DPH6: variants seen among roughly 807,000 people sequenced by gnomAD.
DPH6 encodes the protein diphthamine biosynthesis 6.
Under a neutral mutation model 38.2 loss-of-function variants are expected in DPH6, and 33 were observed. The observed-to-expected ratio is 0.86, with a 90% confidence interval of 0.65 to 1.15. The LOEUF (loss-of-function observed/expected upper bound fraction) is 1.15. Among genes scored for constraint, DPH6 ranks in the 50% most tolerant of loss-of-function variants. DPH6 has a pLI of 0.00. For synonymous variants in DPH6, 108 were observed against 103.0 expected, an observed-to-expected ratio of 1.05 and a Z score of -0.30; for missense variants, 325 against 320.0, an observed-to-expected ratio of 1.02 and a Z score of -0.12.
At chr15:35,178,553 A>T in the DPH6 span, among the ~76,000 whole-genome samples, 1 of 152,218 alleles carries the variant, frequency 6.6e-6, no homozygotes, top group Non-Finnish European at 1.5e-5. Flanking sequence ...CATGGGAATT[A>T]TGGGAGCAAC....
At chr15:35,274,305 G>T (rs1007738018) in intron 3 of DPH6, among the ~76,000 whole-genome samples, 2 of 152,144 alleles carry the variant, frequency 1.3e-5, no homozygotes, top group African/African-American at 2.4e-5. Flanking sequence ...AACCCTGGAA[G>T]AAAACCTAGC....
chr15:35,488,059 C>A (rs1001060138), intron 3 of DPH6, among the ~76,000 whole-genome samples: 2 of 152,174 alleles, frequency 1.3e-5, no homozygotes. Flanking sequence ...AAAGAATGAC[C>A]TTTGCTCCAG....
chr15:35,451,892 C>T (rs887420470), intron 4 of DPH6, among the ~76,000 whole-genome samples: 1 of 152,140 alleles, frequency 6.6e-6, no homozygotes, highest in Admixed American at 6.6e-5. Flanking sequence ...CGCCTGTGGT[C>T]CCAGCTACTC....
chr15:35,269,297 T>C (rs1289331454), intron 3 of DPH6, among the ~76,000 whole-genome samples: 1 of 152,134 alleles, frequency 6.6e-6, no homozygotes, highest in African/African-American at 2.4e-5. Context: ...TATTGCTTGC[T>C]CTTAGGACAA....
intron 3 of DPH6, chr15:35,237,572 T>A: frequency 6.4e-7 from 1 of 1,568,224 alleles, no homozygotes; most frequent in Non-Finnish European, 8.8e-7. Flanking sequence ...CGTGGAAGCA[T>A]TGGCAGAAAA....
intron 5 of DPH6, among the ~76,000 whole-genome samples, chr15:35,445,693 C>T (rs1011954975): frequency 1.1e-4 from 17 of 152,072 alleles, no homozygotes; most frequent in Non-Finnish European, 2.2e-4. Context: ...TATCAAAACA[C>T]GCACATATCA....
chr15:35,248,702 G>C (rs2051651959), intron 3 of DPH6, among the ~76,000 whole-genome samples: 1 of 152,118 alleles, frequency 6.6e-6, no homozygotes, highest in Non-Finnish European at 1.5e-5. Context: ...TTTATTGTAG[G>C]GGTGTCAGCC....
intron 3 of DPH6, among the ~76,000 whole-genome samples, chr15:35,280,847 C>T (rs1479108911): frequency 6.6e-6 from 1 of 152,162 alleles, no homozygotes; most frequent in Non-Finnish European, 1.5e-5. Flanking sequence ...TCAGATATTA[C>T]AGCAAGTGCA....
intron 3 of DPH6, among the ~76,000 whole-genome samples, chr15:35,303,879 T>A (rs764110086): frequency 2.0e-5 from 3 of 151,922 alleles, no homozygotes; most frequent in African/African-American, 4.8e-5. Flanking sequence ...TTTTCATTTA[T>A]ACTCTAAGGC....
intron 3 of DPH6, among the ~76,000 whole-genome samples, chr15:35,535,589 T>TA (rs1183821702): frequency 6.6e-6 from 1 of 151,610 alleles, no homozygotes; most frequent in Non-Finnish European, 1.5e-5. Flanking sequence ...TCACGTGACT[T>TA]AAAAAGAAAA....
At chr15:35,299,025 T>C (rs976645616) in intron 3 of DPH6, 1 of 726,228 alleles carries the variant, frequency 1.4e-6, no homozygotes, top group Non-Finnish European at 2.5e-6. Flanking sequence ...ACGTGCATCA[T>C]GTCTGTATTT....
chr15:35,258,560 G>C (rs968731448), intron 3 of DPH6, among the ~76,000 whole-genome samples: 1 of 152,172 alleles, frequency 6.6e-6, no homozygotes, highest in East Asian at 1.9e-4. Flanking sequence ...AAGCTCTTTA[G>C]TAACAGAGCT....
At chr15:35,493,960 T>C (rs1434966434) in intron 3 of DPH6, among the ~76,000 whole-genome samples, 1 of 152,156 alleles carries the variant, frequency 6.6e-6, no homozygotes. Context: ...ACGTACAATA[T>C]AGCCTTCCAG....
chr15:35,510,063 A>C (rs768193558), intron 3 of DPH6, among the ~76,000 whole-genome samples: 4 of 152,128 alleles, frequency 2.6e-5, no homozygotes, highest in Non-Finnish European at 4.4e-5. Flanking sequence ...AAAAAATTAA[A>C]AAATTAGCTA....
In DPH6 at chr15:35,372,144, C is replaced by A. The variant is rs756436280; in HGVS notation, c.*6G>T. On this transcript the variant is annotated 3_prime_UTR_variant, in exon 9 of 9. Coordinates refer to ENST00000256538, the MANE Select transcript of DPH6 (RefSeq NM_080650.4). ...TGGTTTAATGAACAATGTTCCAAAA[C>A]ACTTTTCAAAAATTATATATATAAT... 1 of 1,517,388 alleles carries A rather than the reference C, an allele frequency of 6.6e-7. No individual in the cohort carries two copies. The highest frequency in any genetic ancestry group is 1.3e-5 in the South Asian group (1 of 75,700). 94.0% of individuals were successfully genotyped at this position (1,517,388 alleles called of 1,614,324 possible).
chr15:35,307,819 A>G (rs2140817119), intron 3 of DPH6, among the ~76,000 whole-genome samples: 1 of 152,224 alleles, frequency 6.6e-6, no homozygotes, highest in East Asian at 1.9e-4. Flanking sequence ...ATAAAAGAGA[A>G]TGAGTGAGCA....
intron 3 of DPH6, among the ~76,000 whole-genome samples, chr15:35,258,224 G>T (rs1029618945): frequency 1.3e-5 from 2 of 152,196 alleles, no homozygotes; most frequent in African/African-American, 4.8e-5. Flanking sequence ...CTAATGGTGT[G>T]AGAGGTAGGA....
Position 35,542,457 on chromosome 15 carries a change from T to C in DPH6, c.74A>G (p.His25Arg). The change falls in exon 2 of 9, where the codon CAT becomes CGT. Residue 25 changes from histidine (H) to arginine (R), a missense_variant. His to Arg is a conservative substitution (Grantham distance 29, BLOSUM62 0). Coordinates refer to ENST00000256538, the MANE Select transcript of DPH6 (RefSeq NM_080650.4). ...YNMMQCIAAG[H>R]QIVALANLRP... is the part of the protein sequence containing the mutation. The stretch of plus-strand genomic sequence containing the variant: ...TAGATTTGCTAAAGCAACGATCTGA[T>C]GCCCAGCAGCAATGCACTGCATCAT... 1 of 1,581,560 alleles carries C rather than the reference T, an allele frequency of 6.3e-7. No individual in the cohort carries two copies. The highest frequency in any genetic ancestry group is 8.7e-7 in the Non-Finnish European group (1 of 1,154,600).
intron 2 of DPH6, among the ~76,000 whole-genome samples, chr15:35,539,149 C>T (rs1181252861): frequency 6.6e-6 from 1 of 151,858 alleles, no homozygotes; most frequent in Non-Finnish European, 1.5e-5. Context: ...CACATCAGAG[C>T]TCTGGGTGAT....
Sources: gnomAD v4.1 joint callset for allele counts (sites outside exome capture counted in the v4.1 genomes callset) on GRCh38, gnomAD v4.1.1 for gene constraint, MANE v1.5 for transcripts, NCBI Gene and HGNC (gene_info 2026-07-23, HGNC 2026-07-21) for gene names.